Variants in NAV2 observed in about 807,000 individuals in gnomAD.
The protein encoded by NAV2 is helicase, APC down-regulated 1.
NAV2 carries 54 observed loss-of-function variants against 223.2 expected under a neutral mutation model. The ratio of observed to expected loss-of-function variants is 0.24; its 90% confidence interval spans 0.19 to 0.30. NAV2 has a LOEUF of 0.30. Among genes scored for constraint, NAV2 ranks in the 10% least tolerant of loss-of-function variants. The pLI, the probability that NAV2 is intolerant of heterozygous loss-of-function variation, is 1.00. For missense variants in NAV2, 2,806 were observed against 3,147.5 expected (o/e 0.89, Z 2.60); for synonymous variants, 1,279 against 1,239.3 (o/e 1.03, Z -0.67).
intron 20 of NAV2, among the ~76,000 whole-genome samples, chr11:20,065,937 C>A (rs1478460886): frequency 6.6e-6 from 1 of 152,196 alleles, no homozygotes; most frequent in Non-Finnish European, 1.5e-5. Context: ...GGAGAATATG[C>A]CTAGGCTCTG....
intron 1 of NAV2, among the ~76,000 whole-genome samples, chr11:19,457,945 A>G (rs1180414850): frequency 6.6e-6 from 1 of 152,176 alleles, no homozygotes; most frequent in Non-Finnish European, 1.5e-5. Context: ...ATAGGGCACA[A>G]GGAGTTAGAG....
chr11:19,895,118 T>C (rs977786539), intron 6 of NAV2, among the ~76,000 whole-genome samples: 2 of 142,304 alleles, frequency 1.4e-5, no homozygotes, highest in African/African-American at 5.1e-5. Context: ...TTTTTTTTTT[T>C]TTTTTTTTTG....
intron 6 of NAV2, among the ~76,000 whole-genome samples, chr11:19,932,257 A>AAATG (rs146890197): frequency 1.0e-5 from 1 of 100,008 alleles, no homozygotes; most frequent in African/African-American, 3.3e-5. Context: ...AAAAAAAAAA[A>AAATG]AAAGAAAGAA....
At chr11:19,928,869 C>T (rs1435605704) in intron 6 of NAV2, among the ~76,000 whole-genome samples, 6 of 152,134 alleles carry the variant, frequency 3.9e-5, no homozygotes, top group Non-Finnish European at 8.8e-5. Context: ...GTCCAGCCTA[C>T]CCACCCACAC....
At chr11:20,096,697 GTTTC>G (rs1199967081) in intron 30 of NAV2, among the ~76,000 whole-genome samples, 1 of 152,160 alleles carries the variant, frequency 6.6e-6, no homozygotes, top group African/African-American at 2.4e-5. Context: ...GTACACTATA[GTTTC>G]TTTCTAACAG....
intron 1 of NAV2, among the ~76,000 whole-genome samples, chr11:19,540,866 A>G (rs989445696): frequency 6.6e-6 from 1 of 152,222 alleles, no homozygotes; most frequent in African/African-American, 2.4e-5. Context: ...CACTCCAGCC[A>G]GGGTTGCAGA....
chr11:19,484,404 C>T (rs1025601152), intron 1 of NAV2, among the ~76,000 whole-genome samples: 3 of 152,212 alleles, frequency 2.0e-5, no homozygotes, highest in Non-Finnish European at 4.4e-5. Flanking sequence ...GAAAGCATCT[C>T]TTCTTAGGAA....
intron 29 of NAV2, among the ~76,000 whole-genome samples, chr11:20,094,089 G>A (rs1217589398): frequency 6.6e-6 from 1 of 152,058 alleles, no homozygotes; most frequent in Non-Finnish European, 1.5e-5. Flanking sequence ...ACTATAGGGG[G>A]TAAGCTCAGC....
At position 19,498,373 on chromosome 11, in the gene NAV2, C is replaced by T. The variant is rs7935667; in HGVS notation, c.75+147346C>T. Among the ~76,000 whole-genome samples, 291 of 152,286 alleles carry T rather than the reference C, an allele frequency of 1.9e-3. 1 individual carries two copies. Among genetic ancestry groups the T allele is most frequent in the African/African-American group, 6.8e-3 (282 of 41,546 alleles). On this transcript the variant is annotated intron_variant, in intron 1 of 37. Transcript: ENST00000360655. ...TGGCAGACTTAGGTTTGAACTGTGG[C>T]TTTTTTGGCCAGGTCCCCTGAGGAA...
In NAV2 at chr11:20,092,291, T is replaced by G; in HGVS notation, c.5738T>G (p.Val1913Gly). ...GSGCSRAPSQ[V>G]SISASPRQSM... ...GGCTGCAGCCGGGCTCCTTCCCAAG[T>G]GTCCATCTCTGCCTCCCCGAGGCAG... The change falls in exon 28 of 38, where the codon GTG (valine) becomes GGG (glycine). Residue 1913 changes from valine (V) to glycine (G), a missense_variant. Coordinates refer to ENST00000349880, the MANE Select transcript of NAV2 (RefSeq NM_145117.5). The G allele has an allele frequency of 6.2e-7, 1 of 1,614,204 alleles. No individual in the cohort carries two copies. The highest frequency in any genetic ancestry group is 8.5e-7 in the Non-Finnish European group (1 of 1,180,024).
chr11:19,876,888 C>CTTAT (rs1287467328), intron 4 of NAV2, among the ~76,000 whole-genome samples: 2 of 148,494 alleles, frequency 1.3e-5, no homozygotes, highest in African/African-American at 4.9e-5. Flanking sequence ...TAGGATTTTA[C>CTTAT]TTATTTATTT....
At chr11:19,844,155 A>AT (rs1590848496) in intron 3 of NAV2, among the ~76,000 whole-genome samples, 2 of 152,154 alleles carry the variant, frequency 1.3e-5, no homozygotes, top group Non-Finnish European at 2.9e-5. Flanking sequence ...CTGGGCTGCT[A>AT]TTTTTGCTGC....
intron 2 of NAV2, among the ~76,000 whole-genome samples, chr11:19,841,759 T>C (rs2060525567): frequency 6.6e-6 from 1 of 152,138 alleles, no homozygotes; most frequent in African/African-American, 2.4e-5. Context: ...TGTGGAGCCC[T>C]AGCTGAGTTT....
At chr11:19,654,242 G>C (rs1445673137) in intron 1 of NAV2, among the ~76,000 whole-genome samples, 1 of 152,070 alleles carries the variant, frequency 6.6e-6, no homozygotes, top group Non-Finnish European at 1.5e-5. Context: ...AAATAAAAGA[G>C]GATACAAACA....
At chr11:19,816,621 C>T (rs2059104718) in intron 1 of NAV2, among the ~76,000 whole-genome samples, 1 of 152,156 alleles carries the variant, frequency 6.6e-6, no homozygotes, top group African/African-American at 2.4e-5. Context: ...AAGTGACTTG[C>T]CTGGACTTGG....
intron 6 of NAV2, among the ~76,000 whole-genome samples, chr11:19,919,312 G>A (rs951917719): frequency 1.3e-4 from 20 of 151,248 alleles, no homozygotes; most frequent in Non-Finnish European, 2.9e-5. Context: ...GCACGTGGGT[G>A]AGAAGCTCCT....
chr11:19,949,107 C>G lies in NAV2; in HGVS notation c.2645+27C>G, dbSNP rs745627095. ...TAAGTACCCGGGGCCGCCCTTTCTC[C>G]CAGAGAGAAAGAGGGCTTGGCACCT... On this transcript the variant is annotated intron_variant, in intron 10 of 37. Transcript: ENST00000349880. The G allele has an allele frequency of 2.6e-6, 4 of 1,552,226 alleles. No individual in the cohort carries two copies. In the South Asian group the frequency reaches 5.0e-5, roughly 19 times the overall value.
chr11:19,404,652 T>C (rs946114843), intron 1 of NAV2, among the ~76,000 whole-genome samples: 13 of 152,230 alleles, frequency 8.5e-5, no homozygotes, highest in Admixed American at 5.2e-4. Flanking sequence ...GCATCTGTCA[T>C]TTTAAAAAAT....
intron 2 of NAV2, among the ~76,000 whole-genome samples, chr11:19,836,533 C>T (rs1012659662): frequency 1.4e-5 from 2 of 144,570 alleles, no homozygotes; most frequent in South Asian, 2.3e-4. Flanking sequence ...GTCCGCAGTC[C>T]GGCCTGGGCG....
Sources: allele counts gnomAD v4.1 joint callset (sites outside exome capture counted in the v4.1 genomes callset), GRCh38; gene constraint gnomAD v4.1.1; transcripts MANE v1.5; gene names NCBI Gene and HGNC (gene_info 2026-07-23, HGNC 2026-07-21).